Variants in ATP6V1E1 observed in about 807,000 individuals in gnomAD.
The protein encoded by ATP6V1E1 is V-type proton ATPase subunit E 1.
A neutral mutation model predicts 35.2 loss-of-function variants in ATP6V1E1; 21 were observed. That is an observed-to-expected ratio of 0.60 (90% CI 0.42 to 0.86). ATP6V1E1 has a LOEUF of 0.86. Among genes scored for constraint, ATP6V1E1 ranks in the 40% least tolerant of loss-of-function variants. ATP6V1E1 has a pLI of 0.00. For missense variants in ATP6V1E1, 183 were observed against 272.6 expected (o/e 0.67, Z 2.32); for synonymous variants, 83 against 87.8 (o/e 0.95, Z 0.30).
chr22:17,600,734 T>TAC (rs2057758044), intron 5 of ATP6V1E1: 1 of 164,830 alleles, frequency 6.1e-6, no homozygotes, highest in Non-Finnish European at 1.3e-5. Context: ...TTAAAACATA[T>TAC]ACAGTGTTTG....
chr22:17,618,283 A>G (rs2057856655), intron 2 of ATP6V1E1, among the ~76,000 whole-genome samples: 2 of 152,222 alleles, frequency 1.3e-5, no homozygotes, highest in South Asian at 2.1e-4. Flanking sequence ...ATAAAATTTC[A>G]GGACACTTAT....
chr22:17,628,659 G>A lies in ATP6V1E1; in HGVS notation c.-24C>T, dbSNP rs2057939890. 3 of 1,614,174 alleles carry A rather than the reference G, an allele frequency of 1.9e-6. No homozygotes were observed. Among genetic ancestry groups the A allele is most frequent in the Non-Finnish European group, 2.5e-6 (3 of 1,180,024 alleles). Reference sequence around the variant, plus strand: ...ATGGCGAGAGCAATGCTAGGCCGGTGAACAGTAGGCTCGAGTTTAGGTTTG... The same window carrying A: ...ATGGCGAGAGCAATGCTAGGCCGGTAAACAGTAGGCTCGAGTTTAGGTTTG... On this transcript the variant is annotated 5_prime_UTR_variant, in exon 1 of 9. Transcript: ENST00000253413.
At chr22:17,605,152 T>G (rs1409249260) in intron 4 of ATP6V1E1, among the ~76,000 whole-genome samples, 13 of 118,016 alleles carry the variant, frequency 1.1e-4, no homozygotes, top group Non-Finnish European at 1.4e-4. Context: ...CTGCAGTGAG[T>G]TGAGATCACG....
At chr22:17,600,177 G>A (rs2057755490) in intron 5 of ATP6V1E1, 82 bp from the exon 6 acceptor site, 2 of 1,303,282 alleles carry the variant, frequency 1.5e-6, no homozygotes, top group African/African-American at 2.9e-5. Context: ...GCTCAGGTCT[G>A]TAATCCTAAC....
Position 17,628,748 on chromosome 22 carries a change from A to C in ATP6V1E1, c.-113T>G, listed in dbSNP as rs998121400. On this transcript the variant is annotated 5_prime_UTR_variant, in exon 1 of 9. Transcript: ENST00000253413. ...CGCAGATCTCGGGTTCCTTTACTTT[A>C]TAACCGCGGGTTCCGGTTCCTGCCA... The C allele has an allele frequency of 1.5e-4, 218 of 1,461,180 alleles. No individual in the cohort carries two copies. The highest frequency in any genetic ancestry group is 3.5e-4 in the Middle Eastern group (2 of 5,784). The allele number at this position is 1,461,180 out of a possible 1,614,324, so 90.5% of individuals were successfully genotyped here. A position where few individuals can be genotyped will look rare whatever the true frequency, so the allele number is the denominator to read the frequency against.
chr22:17,596,132 AAAAT>A (rs563541510), intron 7 of ATP6V1E1, among the ~76,000 whole-genome samples: 11 of 151,764 alleles, frequency 7.2e-5, no homozygotes, highest in East Asian at 5.8e-4. Context: ...TCTGTCTCAA[AAAAT>A]AAATAAATAA....
chr22:17,608,321 G>T (rs5747263), intron 4 of ATP6V1E1, among the ~76,000 whole-genome samples: 52,889 of 152,144 alleles, frequency 0.35, 9,527 homozygotes, highest in African/African-American at 0.41. Context: ...GACAAACTCA[G>T]AGTGACTAAA....
intron 7 of ATP6V1E1, chr22:17,597,893 G>A: frequency 3.0e-6 from 1 of 333,498 alleles, no homozygotes; most frequent in South Asian, 3.5e-5. Context: ...TGGTAAGGAT[G>A]GTCTCGATCT....
chr22:17,605,429 C>G (rs1428247134), intron 4 of ATP6V1E1, among the ~76,000 whole-genome samples: 2 of 151,856 alleles, frequency 1.3e-5, no homozygotes, highest in African/African-American at 2.4e-5. Flanking sequence ...ACTCGGGAGG[C>G]TGAGGCAGGA....
intron 7 of ATP6V1E1, among the ~76,000 whole-genome samples, chr22:17,597,243 T>TAA (rs113528640): frequency 4.3e-4 from 60 of 140,048 alleles, no homozygotes; most frequent in East Asian, 1.0e-3. Context: ...CTGCCTGTCT[T>TAA]AAAAAAAAAA....
chr22:17,607,834 C>T (rs908983527), intron 4 of ATP6V1E1, among the ~76,000 whole-genome samples: 6 of 152,102 alleles, frequency 3.9e-5, no homozygotes, highest in African/African-American at 1.4e-4. Context: ...TTAACAAGGT[C>T]CCCCAGGTGA....
At chr22:17,628,504 A>G in intron 1 of ATP6V1E1, 99 bp downstream of exon 1, 1 of 1,525,214 alleles carries the variant, frequency 6.6e-7, no homozygotes, top group East Asian at 2.2e-5. Flanking sequence ...TTCCTGCGGC[A>G]TCTGGGCGGC....
intron 1 of ATP6V1E1, among the ~76,000 whole-genome samples, chr22:17,626,092 G>A (rs1362965717): frequency 6.6e-6 from 1 of 151,856 alleles, no homozygotes; most frequent in Non-Finnish European, 1.5e-5. Context: ...AGATTACGAG[G>A]TCAGGAGATC....
At chr22:17,620,978 CG>C (rs772002095) in intron 1 of ATP6V1E1, among the ~76,000 whole-genome samples, 42 of 152,010 alleles carry the variant, frequency 2.8e-4, no homozygotes, top group Admixed American at 5.2e-4. Flanking sequence ...AGGAGAATGG[CG>C]TGAACCCGGG....
At chr22:17,599,384 G>A (rs141926987) in intron 6 of ATP6V1E1, among the ~76,000 whole-genome samples, 2,074 of 151,590 alleles carry the variant, frequency 0.014, 48 homozygotes, top group African/African-American at 0.048. Flanking sequence ...AGACCAGCCT[G>A]GCCAACACGG....
chr22:17,625,197 C>G (rs758343917), intron 1 of ATP6V1E1, among the ~76,000 whole-genome samples: 9 of 152,210 alleles, frequency 5.9e-5, no homozygotes, highest in Non-Finnish European at 8.8e-5. Flanking sequence ...GAAATACCCA[C>G]TCGTCTTAGT....
intron 4 of ATP6V1E1, 121 bp from the exon 5 acceptor site, chr22:17,601,302 C>A: frequency 1.4e-6 from 1 of 730,732 alleles, no homozygotes. Context: ...GATTTTCATT[C>A]AACACACATT....
intron 2 of ATP6V1E1, among the ~76,000 whole-genome samples, chr22:17,617,758 T>A (rs1601392295): frequency 1.3e-5 from 2 of 152,326 alleles, no homozygotes; most frequent in East Asian, 3.9e-4. Flanking sequence ...GTCACCTTTG[T>A]AATGGGTGGG....
intron 8 of ATP6V1E1, among the ~76,000 whole-genome samples, chr22:17,593,701 T>C (rs77745907): frequency 0.025 from 3,777 of 152,302 alleles, 146 homozygotes; most frequent in African/African-American, 0.086. Flanking sequence ...GCTTTAGTTA[T>C]AAGACAAGTA....
Sources: allele counts gnomAD v4.1 joint callset (sites outside exome capture counted in the v4.1 genomes callset), GRCh38; gene constraint gnomAD v4.1.1; transcripts MANE v1.5; gene names NCBI Gene and HGNC (gene_info 2026-07-23, HGNC 2026-07-21).